PIGB: variants seen among roughly 807,000 people sequenced by gnomAD.
PIGB encodes the protein GPI alpha-1,2-mannosyltransferase 3.
A neutral mutation model predicts 68.4 loss-of-function variants in PIGB; 58 were observed. The ratio of observed to expected loss-of-function variants is 0.85; its 90% CI spans 0.69 to 1.06. PIGB has a LOEUF of 1.06. PIGB is among the 50% of genes least tolerant of loss of function. The pLI is 0.00. For missense variants in PIGB, 634 were observed against 655.8 expected (o/e 0.97, Z 0.36); for synonymous variants, 219 against 220.5 (o/e 0.99, Z 0.06).
At position 55,319,343 on chromosome 15, in the gene PIGB, G is replaced by C; in HGVS notation, c.93G>C (p.Lys31Asn). 1 of 1,575,972 alleles carries C rather than the reference G, an allele frequency of 6.3e-7. No individual in the cohort carries two copies. The highest frequency in any genetic ancestry group is 1.9e-5 in the Admixed American group (1 of 53,838). ...LHGLQNRSHG[K>N]IKLRKRKSTL... is the part of the protein sequence containing the mutation. ...GTCTCCAGAACCGCTCCCACGGCAA[G>C]ATAAAGCTGCGAAAGAGAAAGTCTA... The change falls in exon 1 of 12, where the codon AAG becomes AAC. Residue 31 changes from lysine to asparagine, a missense_variant. Coordinates refer to ENST00000164305, the MANE Select transcript of PIGB (RefSeq NM_004855.5).
At chr15:55,346,579 GGTT>G (rs763905672) in intron 9 of PIGB, 42 of 152,112 alleles carry the variant, frequency 2.8e-4, no homozygotes, top group Non-Finnish European at 5.6e-4. Context: ...GTTAGCAATG[GGTT>G]GTTACTATGT....
chr15:55,329,082 C>T (rs576275280), intron 4 of PIGB, among the ~76,000 whole-genome samples: 13 of 152,332 alleles, frequency 8.5e-5, no homozygotes, highest in Admixed American at 3.3e-4. Context: ...ACATGCTTAA[C>T]AATTGCCTCA....
In PIGB at chr15:55,329,806, T is replaced by G. The variant is rs2055373615; in HGVS notation, c.605T>G (p.Ile202Arg). The G allele has an allele frequency of 6.2e-7, 1 of 1,604,880 alleles. No homozygotes were observed. The highest frequency in any genetic ancestry group is 1.3e-5 in the African/African-American group (1 of 74,722). ...LTNTMETVLT[I>R]IALFYYPLEG... ...AACACCATGGAAACTGTTCTCACTATAATTGCTCTTTTCTACTATCCTTTG... is the reference window on the plus strand; with the variant it reads ...AACACCATGGAAACTGTTCTCACTAGAATTGCTCTTTTCTACTATCCTTTG... The change falls in exon 5 of 12, where the codon ATA (isoleucine) becomes AGA (arginine). Residue 202 changes from isoleucine (I) to arginine (R), a missense_variant. Physicochemically the swap from Ile to Arg is moderately conservative, Grantham distance 97. Coordinates refer to ENST00000164305, the MANE Select transcript of PIGB (RefSeq NM_004855.5).
At chr15:55,346,817 T>C (rs2055805259) in intron 9 of PIGB, 1 of 152,218 alleles carries the variant, frequency 6.6e-6, no homozygotes, top group Non-Finnish European at 1.5e-5. Context: ...TTTTAAATAT[T>C]GATGAAACAA....
chr15:55,338,777 G>A (rs190283604), intron 6 of PIGB, among the ~76,000 whole-genome samples: 16 of 152,268 alleles, frequency 1.1e-4, no homozygotes, highest in Admixed American at 5.9e-4. Flanking sequence ...TTAAGGAAAC[G>A]GCCATATGTT....
intron 10 of PIGB, among the ~76,000 whole-genome samples, chr15:55,353,752 A>T (rs1375631655): frequency 2.6e-5 from 4 of 151,994 alleles, no homozygotes; most frequent in Admixed American, 6.6e-5. Context: ...CTACAGGCAC[A>T]TACCACCATG....
intron 6 of PIGB, among the ~76,000 whole-genome samples, chr15:55,337,437 T>A (rs2055562916): frequency 6.6e-6 from 1 of 152,194 alleles, no homozygotes; most frequent in South Asian, 2.1e-4. Context: ...GAGCTCCACC[T>A]CCTGTCACAT....
intron 3 of PIGB, among the ~76,000 whole-genome samples, chr15:55,323,295 G>T (rs1172680845): frequency 6.6e-6 from 1 of 152,176 alleles, no homozygotes; most frequent in Non-Finnish European, 1.5e-5. Flanking sequence ...ACAGCCTAGT[G>T]CTCTTCCCAG....
At position 55,350,729 on chromosome 15, in the gene PIGB, A is replaced by C. The variant is rs373586366; in HGVS notation, c.1154A>C (p.Lys385Thr). 1.2e-6 allele frequency: 2 copies of C among 1,613,502 alleles called. No homozygotes were observed. The highest frequency in any genetic ancestry group is 1.7e-6 in the Non-Finnish European group (2 of 1,179,642). The change falls in exon 10 of 12, where the codon AAG becomes ACG. Residue 385 changes from lysine to threonine, a missense_variant. Transcript: ENST00000164305. ...TCATTAACCCACCTGAAAACATGGA[A>C]GAAACCAGCTCTAAGTTTCCTGTTT... ...GYSLTHLKTW[K>T]KPALSFLFLS...
chr15:55,336,422 G>A (rs546389985), intron 6 of PIGB, among the ~76,000 whole-genome samples: 92 of 152,036 alleles, frequency 6.1e-4, no homozygotes, highest in Admixed American at 4.9e-3. Flanking sequence ...AATATTCTAC[G>A]TCAAAAATGC....
At chr15:55,326,817 A>G (rs2055298693) in intron 3 of PIGB, among the ~76,000 whole-genome samples, 1 of 152,236 alleles carries the variant, frequency 6.6e-6, no homozygotes, top group Non-Finnish European at 1.5e-5. Flanking sequence ...AGCCTGGGCG[A>G]CAGAGCGATA....
intron 9 of PIGB, chr15:55,343,442 T>C (rs1430779475): frequency 6.6e-6 from 1 of 152,232 alleles, no homozygotes; most frequent in South Asian, 2.1e-4. Flanking sequence ...AATGTTTTTG[T>C]GTGCCTGGAG....
At chr15:55,341,580 A>G (rs575986110) in intron 8 of PIGB, among the ~76,000 whole-genome samples, 158 bp from the exon 9 acceptor site, 3 of 152,316 alleles carry the variant, frequency 2.0e-5, no homozygotes, top group African/African-American at 7.2e-5. Context: ...CCTTATAACT[A>G]AAAAATAAGA....
Position 55,340,697 on chromosome 15 carries a change from A to G in PIGB, c.932A>G (p.Tyr311Cys). The change falls in exon 8 of 12, where the codon TAC becomes TGC. Residue 311 changes from tyrosine (Y) to cysteine (C), a missense_variant. Tyr to Cys is a radical substitution (Grantham distance 194). Coordinates refer to ENST00000164305, the MANE Select transcript of PIGB (RefSeq NM_004855.5). Reference sequence around the variant, plus strand: ...TATGGTTCTCATCCATGGCACTGGTACTTCAGTCAAGGATTTCCAGTTATC... The same window carrying G: ...TATGGTTCTCATCCATGGCACTGGTGCTTCAGTCAAGGATTTCCAGTTATC... ...TFYGSHPWHW[Y>C]FSQGFPVILG... 6.2e-7 allele frequency: 1 copy of G among 1,612,334 alleles called. No individual in the cohort carries two copies. Among genetic ancestry groups the G allele is most frequent in the Non-Finnish European group, 8.5e-7 (1 of 1,178,936 alleles).
At chr15:55,351,305 C>T (rs1487187758) in intron 10 of PIGB, among the ~76,000 whole-genome samples, 1 of 151,756 alleles carries the variant, frequency 6.6e-6, no homozygotes, top group Non-Finnish European at 1.5e-5. Context: ...GATGGGGTTT[C>T]ACCGTGTTAG....
In PIGB at chr15:55,320,242, T is replaced by C. The variant is rs368133347; in HGVS notation, c.164-33T>C. 31 of 1,597,696 alleles carry C rather than the reference T, an allele frequency of 1.9e-5. No homozygotes were observed. In the African/African-American group the frequency reaches 4.2e-4, roughly 21 times the overall value. ...TGCAAGTGGAACTGCCTGACTTTTG[T>C]GCCACTATTACCTGTTTTGTTCTGT... On this transcript the variant is annotated intron_variant, in intron 1 of 11. Transcript: ENST00000164305.
chr15:55,327,215 TATAA>T (rs1434327726), intron 3 of PIGB, among the ~76,000 whole-genome samples: 1 of 127,230 alleles, frequency 7.9e-6, no homozygotes, highest in Non-Finnish European at 1.6e-5. Flanking sequence ...CATATTTATA[TATAA>T]ATATATATAT....
At chr15:55,349,267 C>CA (rs2055872125) in intron 9 of PIGB, among the ~76,000 whole-genome samples, 1 of 152,138 alleles carries the variant, frequency 6.6e-6, no homozygotes, top group South Asian at 2.1e-4. Flanking sequence ...ACTGTCCCCT[C>CA]AAACTCATGA....
chr15:55,334,275 T>C (rs747487596), intron 6 of PIGB, among the ~76,000 whole-genome samples: 26 of 152,252 alleles, frequency 1.7e-4, no homozygotes, highest in Non-Finnish European at 3.7e-4. Context: ...CACATATATT[T>C]TAGAGATACT....
Sources: allele counts gnomAD v4.1 joint callset (sites outside exome capture counted in the v4.1 genomes callset), GRCh38; gene constraint gnomAD v4.1.1; transcripts MANE v1.5; gene names NCBI Gene and HGNC (gene_info 2026-07-23, HGNC 2026-07-21).